The following ODAD4 variants were observed in gnomAD, a reference collection of about 807,000 sequenced individuals.
ODAD4 encodes the protein outer dynein arm docking complex subunit 4.
A neutral mutation model predicts 51.8 loss-of-function variants in ODAD4; 49 were observed. The ratio of observed to expected loss-of-function variants is 0.95; its 90% CI spans 0.75 to 1.20. ODAD4 has a LOEUF of 1.20. Ranked by LOEUF, ODAD4 falls within the 50% of genes most tolerant of loss-of-function variation. The probability of loss-of-function intolerance (pLI) is 0.00; values close to 1 mark genes in which losing one functional copy is unlikely to be tolerated. For synonymous variants in ODAD4, 235 were observed against 221.3 expected (o/e 1.06, Z -0.55); for missense variants, 590 against 586.5 (o/e 1.01, Z -0.06).
chr17:41,951,375 GC>G (rs1456217137), intron 9 of ODAD4, among the ~76,000 whole-genome samples: 6 of 152,030 alleles, frequency 3.9e-5, no homozygotes, highest in South Asian at 4.1e-4. Flanking sequence ...GAGCCACTGT[GC>G]CCGGCCTCAA....
At position 41,938,607 on chromosome 17, in the gene ODAD4, A is replaced by G. The variant is rs782255895; in HGVS notation, c.676A>G (p.Met226Val). 1 of 1,613,968 alleles carries G rather than the reference A, an allele frequency of 6.2e-7. No individual in the cohort carries two copies. The highest frequency in any genetic ancestry group is 1.7e-5 in the Admixed American group (1 of 60,008). ...KGGLTVEDLI[M>V]TGINYLDTHS... ...CGGCCTGACTGTGGAGGACCTCATC[A>G]TGACGGGCATCAACTACCTGGATAC... Residue 226 changes from methionine (M) to valine (V), a missense_variant, in exon 6 of 12, where the codon ATG (methionine) becomes GTG (valine). Transcript: ENST00000377540.
rs2050471381 is a variant in ODAD4, at chr17:41,939,122, G to A, written c.1008G>A (p.Met336Ile). 2 of 1,613,894 alleles carry A rather than the reference G, an allele frequency of 1.2e-6. No individual in the cohort carries two copies. The highest frequency in any genetic ancestry group is 1.1e-5 in the South Asian group (1 of 91,086). Residue 336 changes from methionine (M) to isoleucine (I), a missense_variant, in exon 7 of 12, where the codon ATG becomes ATA. Transcript: ENST00000377540. The stretch of plus-strand genomic sequence containing the variant: ...ATGCCCAGATTGAGCTGGGGCAGAT[G>A]GAGGCAGCCCTGCAGAGCCACAGAA... ...IGNAQIELGQ[M>I]EAALQSHRKD...
intron 1 of ODAD4, among the ~76,000 whole-genome samples, chr17:41,931,092 T>C (rs1285828365): frequency 6.6e-6 from 1 of 151,968 alleles, no homozygotes; most frequent in African/African-American, 2.4e-5. Flanking sequence ...GATGGGGGTT[T>C]CACTGTGTTG....
At position 41,939,093 on chromosome 17, in the gene ODAD4, G is replaced by A. The variant is rs541561353; in HGVS notation, c.979G>A (p.Gly327Arg). The stretch of plus-strand genomic sequence containing the variant: ...GGTTGGAAACTTGTATAGCTGCATA[G>A]GGAATGCCCAGATTGAGCTGGGGCA... ...ELVGNLYSCI[G>R]NAQIELGQME... Residue 327 changes from glycine (G) to arginine (R), a missense_variant, in exon 7 of 12, where the codon GGG (glycine) becomes AGG (arginine). Coordinates refer to ENST00000377540, the MANE Select transcript of ODAD4 (RefSeq NM_031421.5). 5 of 1,613,982 alleles carry A rather than the reference G, an allele frequency of 3.1e-6. No individual in the cohort carries two copies. The highest frequency in any genetic ancestry group is 3.3e-5 in the Admixed American group (2 of 60,018).
At chr17:41,948,928 G>A (rs1432215938) in intron 8 of ODAD4, among the ~76,000 whole-genome samples, 2 of 152,068 alleles carry the variant, frequency 1.3e-5, no homozygotes, top group Non-Finnish European at 2.9e-5. Context: ...GAGCCACCAC[G>A]CCAGCCTCAA....
intron 10 of ODAD4, among the ~76,000 whole-genome samples, chr17:41,957,763 C>T (rs574461937): frequency 4.6e-5 from 7 of 152,272 alleles, no homozygotes; most frequent in African/African-American, 1.7e-4. Context: ...TACCAGCTTC[C>T]TGTCTTCCTA....
intron 9 of ODAD4, chr17:41,954,980 G>A (rs781911061): frequency 1.3e-5 from 8 of 612,978 alleles, no homozygotes; most frequent in Admixed American, 4.5e-5. Flanking sequence ...TCTCACCAAC[G>A]CCTTTGAATG....
chr17:41,932,444 G>A (rs1184966082), intron 1 of ODAD4, among the ~76,000 whole-genome samples: 1 of 152,172 alleles, frequency 6.6e-6, no homozygotes, highest in Non-Finnish European at 1.5e-5. Context: ...CTAGCAAGTG[G>A]CAGAGGAAGG....
chr17:41,931,878 C>T (rs1169520670), intron 1 of ODAD4, among the ~76,000 whole-genome samples: 1 of 151,666 alleles, frequency 6.6e-6, no homozygotes, highest in Non-Finnish European at 1.5e-5. Flanking sequence ...TAAATTGCAT[C>T]ATCCCACCCT....
At chr17:41,952,365 C>CG (rs782118788) in intron 9 of ODAD4, among the ~76,000 whole-genome samples, 3 of 87,238 alleles carry the variant, frequency 3.4e-5, no homozygotes, top group African/African-American at 1.5e-4. Flanking sequence ...GACTCTGTAT[C>CG]AAAAAAAAAA....
chr17:41,948,871 A>G (rs1278209010), intron 8 of ODAD4, among the ~76,000 whole-genome samples: 2 of 151,988 alleles, frequency 1.3e-5, no homozygotes, highest in Non-Finnish European at 2.9e-5. Context: ...CGAACTCCTG[A>G]CCTCAGGTGA....
chr17:41,951,599 TG>T (rs1257008515), intron 9 of ODAD4, among the ~76,000 whole-genome samples: 4 of 151,064 alleles, frequency 2.6e-5, no homozygotes, highest in Non-Finnish European at 5.9e-5. Context: ...AAAATTAGGC[TG>T]GGGACAGGCA....
At position 41,966,042 on chromosome 17, in the gene ODAD4, G is replaced by T. The variant is rs1332140304; in HGVS notation, c.*559G>T. 6.6e-6 allele frequency among the ~76,000 whole-genome samples: 1 copy of T among 152,208 alleles called. No homozygotes were observed. Among genetic ancestry groups the T allele is most frequent in the Non-Finnish European group, 1.5e-5 (1 of 68,040 alleles). The stretch of plus-strand genomic sequence containing the variant: ...CTGACACCTCTGGGTGGCATAATCA[G>T]GTAAATCAGGCTCTCCAAGCTGGCT... On this transcript the variant is annotated 3_prime_UTR_variant, in exon 12 of 12. Transcript: ENST00000377540.
chr17:41,957,167 A>G (rs186699625), intron 10 of ODAD4, among the ~76,000 whole-genome samples: 256 of 152,096 alleles, frequency 1.7e-3, no homozygotes, highest in Non-Finnish European at 2.2e-3. Flanking sequence ...CGGGCTTCCA[A>G]AGTGCTGGGA....
chr17:41,965,720 A>C lies in ODAD4; in HGVS notation c.*237A>C. 2.1e-6 allele frequency: 1 copy of C among 465,618 alleles called. No individual in the cohort carries two copies. The highest frequency in any genetic ancestry group is 3.8e-6 in the Non-Finnish European group (1 of 263,098). 28.8% of individuals were successfully genotyped at this position (465,618 alleles called of 1,614,324 possible). A position where few individuals can be genotyped will look rare whatever the true frequency, so the allele number is the denominator to read the frequency against. On this transcript the variant is annotated 3_prime_UTR_variant, in exon 12 of 12. Coordinates refer to ENST00000377540, the MANE Select transcript of ODAD4 (RefSeq NM_031421.5). ...GAAGAGCATCGTGGAAGAAATGAGA[A>C]AGGTGCCAAGAAGAAAGGGTTTCAG... is the stretch of plus-strand genomic sequence containing the variant.
intron 1 of ODAD4, among the ~76,000 whole-genome samples, chr17:41,932,624 A>G (rs1052869510): frequency 7.8e-6 from 1 of 127,456 alleles, no homozygotes; most frequent in South Asian, 2.6e-4. Context: ...AGCTCAATAC[A>G]GCTTCAAACT....
chr17:41,953,510 T>TTTATGAAG (rs2050686718), intron 9 of ODAD4, among the ~76,000 whole-genome samples: 1 of 152,068 alleles, frequency 6.6e-6, no homozygotes, highest in Non-Finnish European at 1.5e-5. Context: ...AAGCACTTTC[T>TTTATGAAG]CCTTTATGAA....
In ODAD4 at chr17:41,935,265, A is replaced by T; in HGVS notation, c.163A>T (p.Lys55Ter). 6.2e-7 allele frequency: 1 copy of T among 1,613,952 alleles called. No individual in the cohort carries two copies. Among genetic ancestry groups the T allele is most frequent in the Non-Finnish European group, 8.5e-7 (1 of 1,179,882 alleles). ...GDKNCLVARS[K>*]CFLKMGDLER... The stretch of plus-strand genomic sequence containing the variant: ...CAAGAACTGCCTGGTTGCTCGCTCA[A>T]AGTGCTTCCTGAAGATGGGAGACTT... The change falls in exon 2 of 12, where the codon AAG becomes TAG. Residue 55 changes from lysine (K) to a stop codon, truncating the protein, a stop_gained. Coordinates refer to ENST00000377540, the MANE Select transcript of ODAD4 (RefSeq NM_031421.5). LOFTEE classifies it high-confidence loss of function.
At chr17:41,951,877 C>A (rs575912641) in intron 9 of ODAD4, among the ~76,000 whole-genome samples, 1 of 104,924 alleles carries the variant, frequency 9.5e-6, no homozygotes, top group South Asian at 3.3e-4. Context: ...GAACGAGACT[C>A]TGTCGCAAAA....
Sources: gnomAD v4.1 joint callset for allele counts (sites outside exome capture counted in the v4.1 genomes callset) on GRCh38, gnomAD v4.1.1 for gene constraint, MANE v1.5 for transcripts, NCBI Gene and HGNC (gene_info 2026-07-23, HGNC 2026-07-21) for gene names.